KLHL1: variants seen among roughly 807,000 people sequenced by gnomAD.
KLHL1 encodes the protein kelch like family member 1, also known as kelch-like protein 1.
A neutral mutation model predicts 77.7 loss-of-function variants in KLHL1; 47 were observed. The ratio of observed to expected loss-of-function variants is 0.60; its 90% CI spans 0.48 to 0.77. The LOEUF is 0.77. Ranked by LOEUF, KLHL1 falls within the 30% of genes least tolerant of loss-of-function variation. KLHL1 has a pLI of 0.00. For missense variants in KLHL1, 925 were observed against 910.8 expected, an observed-to-expected ratio of 1.02 and a Z score of -0.20; for synonymous variants, 360 against 325.2, an observed-to-expected ratio of 1.11 and a Z score of -1.15.
intron 7 of KLHL1, among the ~76,000 whole-genome samples, chr13:69,770,415 T>C (rs967486771): frequency 6.6e-6 from 1 of 152,254 alleles, no homozygotes; most frequent in Non-Finnish European, 1.5e-5. Context: ...TCCTACGTCA[T>C]TGACAAGCTG....
intron 4 of KLHL1, among the ~76,000 whole-genome samples, chr13:69,933,567 G>A (rs565402773): frequency 2.6e-5 from 4 of 152,238 alleles, no homozygotes; most frequent in Non-Finnish European, 4.4e-5. Flanking sequence ...TAAAGGACAA[G>A]TGAAGGATGT....
intron 1 of KLHL1, among the ~76,000 whole-genome samples, chr13:70,079,245 A>C (rs1436644151): frequency 6.6e-6 from 1 of 152,100 alleles, no homozygotes; most frequent in Non-Finnish European, 1.5e-5. Context: ...GACTCACCTA[A>C]GAATCTTTTT....
chr13:69,780,713 T>TATATATATATACAC (rs1566243678), intron 7 of KLHL1, among the ~76,000 whole-genome samples: 1 of 32,952 alleles, frequency 3.0e-5, no homozygotes, highest in Non-Finnish European at 5.3e-5. Flanking sequence ...TATATATATA[T>TATATATATATACAC]ATGTATATAT....
chr13:70,095,305 AAGAG>A (rs1887761107), intron 1 of KLHL1, among the ~76,000 whole-genome samples: 1 of 152,316 alleles, frequency 6.6e-6, no homozygotes, highest in African/African-American at 2.4e-5. Context: ...ATATGCAAGA[AAGAG>A]AGAGATTGTT....
intron 7 of KLHL1, among the ~76,000 whole-genome samples, chr13:69,789,270 A>ATGTC (rs141661386): frequency 0.25 from 38,040 of 151,698 alleles, 4,883 homozygotes; most frequent in South Asian, 0.34. Flanking sequence ...ATTATTTTAC[A>ATGTC]TGTCTGTCTG....
intron 7 of KLHL1, among the ~76,000 whole-genome samples, chr13:69,754,760 T>C (rs1304308868): frequency 6.6e-6 from 1 of 152,212 alleles, no homozygotes; most frequent in Non-Finnish European, 1.5e-5. Context: ...ATCCTGGCCT[T>C]ACACCATTGT....
chr13:70,090,881 T>A (rs1291809641), intron 1 of KLHL1, among the ~76,000 whole-genome samples: 1 of 152,110 alleles, frequency 6.6e-6, no homozygotes, highest in Non-Finnish European at 1.5e-5. Flanking sequence ...AATAATATGA[T>A]GGAAAAACAC....
chr13:70,037,667 C>CT (rs1163743923), intron 1 of KLHL1, among the ~76,000 whole-genome samples: 3 of 151,918 alleles, frequency 2.0e-5, no homozygotes, highest in Non-Finnish European at 4.4e-5. Context: ...AGTTGCTTAA[C>CT]TTTAGTTTGT....
intron 6 of KLHL1, among the ~76,000 whole-genome samples, chr13:69,830,605 G>T (rs1017726292): frequency 6.7e-6 from 1 of 150,098 alleles, no homozygotes; most frequent in Non-Finnish European, 1.5e-5. Flanking sequence ...GGACTTAACA[G>T]ATATTTAGAG....
chr13:69,762,180 C>T (rs367988886), intron 7 of KLHL1, among the ~76,000 whole-genome samples: 3 of 152,098 alleles, frequency 2.0e-5, no homozygotes, highest in African/African-American at 7.2e-5. Context: ...CTTCCCTAGA[C>T]AAGTTGTAAA....
intron 6 of KLHL1, among the ~76,000 whole-genome samples, chr13:69,829,156 C>A (rs531952852): frequency 6.7e-6 from 1 of 150,292 alleles, no homozygotes; most frequent in African/African-American, 2.5e-5. Context: ...TAGAGGAAAC[C>A]AGCACACTAA....
Position 69,934,095 on chromosome 13 carries a change from A to G in KLHL1, c.1014+5945T>C, listed in dbSNP as rs150873130. Among the ~76,000 whole-genome samples, 41 of 152,284 alleles carry G rather than the reference A, an allele frequency of 2.7e-4. 2 individuals carry two copies. Among genetic ancestry groups the G allele is most frequent in the African/African-American group, 9.4e-4 (39 of 41,570 alleles). ...CAGTTTTATTGTTTTTAAAATGGAT[A>G]TAACACTTGCCTTGCAGGGATTTTG... is the stretch of plus-strand genomic sequence containing the variant. On this transcript the variant is annotated intron_variant, in intron 4 of 10. Transcript: ENST00000377844.
rs946966224 is a variant in KLHL1 at position 69,708,885 on chromosome 13, C to A, written c.2016-1089G>T. ...AAATTCTTAGTTTGTTTTCCTGCTC[C>A]AATTTTTTTCACCCATTCAATTTTT... On this transcript the variant is annotated intron_variant, in intron 9 of 10. Coordinates refer to ENST00000377844, the MANE Select transcript of KLHL1 (RefSeq NM_020866.3). Among the ~76,000 whole-genome samples the A allele has an allele frequency of 9.9e-5, 15 of 151,986 alleles. No homozygotes were observed. In the East Asian group the frequency reaches 2.7e-3, roughly 27 times the overall value.
At chr13:69,781,685 A>C (rs1035540603) in intron 7 of KLHL1, among the ~76,000 whole-genome samples, 8 of 152,160 alleles carry the variant, frequency 5.3e-5, no homozygotes, top group African/African-American at 1.9e-4. Flanking sequence ...ATAGGATACA[A>C]AATTTGAAAC....
At chr13:69,977,543 A>G (rs1884580507) in intron 1 of KLHL1, among the ~76,000 whole-genome samples, 4 of 152,170 alleles carry the variant, frequency 2.6e-5, no homozygotes, top group Admixed American at 1.3e-4. Flanking sequence ...CTGTAATCTT[A>G]AAAGTAGAGG....
At chr13:70,019,405 T>C (rs962252047) in intron 1 of KLHL1, among the ~76,000 whole-genome samples, 1 of 151,994 alleles carries the variant, frequency 6.6e-6, no homozygotes, top group African/African-American at 2.4e-5. Context: ...TAAGAGGAAG[T>C]TGAGTACTTT....
chr13:69,932,481 A>T (rs767513619), intron 4 of KLHL1, among the ~76,000 whole-genome samples: 22 of 151,940 alleles, frequency 1.4e-4, no homozygotes, highest in Non-Finnish European at 3.1e-4. Flanking sequence ...GGAATACTAC[A>T]TCTTAAATGA....
chr13:69,911,217 C>A (rs543503992), intron 4 of KLHL1, among the ~76,000 whole-genome samples: 119 of 151,908 alleles, frequency 7.8e-4, no homozygotes, highest in African/African-American at 2.8e-3. Context: ...GAATTGATTC[C>A]TAATACATTT....
At chr13:70,059,254 G>A (rs1044830729) in intron 1 of KLHL1, among the ~76,000 whole-genome samples, 12 of 151,880 alleles carry the variant, frequency 7.9e-5, no homozygotes, top group African/African-American at 2.9e-4. Flanking sequence ...TGCCTACTGG[G>A]TTCAAATGAT....
Sources: allele counts gnomAD v4.1 joint callset (sites outside exome capture counted in the v4.1 genomes callset), GRCh38; gene constraint gnomAD v4.1.1; transcripts MANE v1.5; gene names NCBI Gene and HGNC (gene_info 2026-07-23, HGNC 2026-07-21).